Variants in SMYD3 observed in about 807,000 individuals in gnomAD.
SMYD3 encodes the protein SET and MYND domain containing 3, also known as histone-lysine N-methyltransferase SMYD3.
SMYD3 carries 36 observed loss-of-function variants against 57.7 expected under a neutral mutation model. The ratio of observed to expected loss-of-function variants is 0.62; its 90% confidence interval spans 0.48 to 0.82. The LOEUF (loss-of-function observed/expected upper bound fraction) is 0.82. Ranked by LOEUF, SMYD3 falls within the 40% of genes least tolerant of loss-of-function variation. The pLI, the probability that SMYD3 is intolerant of heterozygous loss-of-function variation, is 0.00. For missense variants in SMYD3, 515 were observed against 538.8 expected, an observed-to-expected ratio of 0.96 and a Z score of 0.44; for synonymous variants, 211 against 195.0, an observed-to-expected ratio of 1.08 and a Z score of -0.68.
intron 5 of SMYD3, chr1:246,186,806 G>C (rs987831553): frequency 1.0e-6 from 1 of 985,490 alleles, no homozygotes; most frequent in Non-Finnish European, 1.2e-6. Flanking sequence ...GGGAAAGGCT[G>C]TATCACATTC....
intron 10 of SMYD3, among the ~76,000 whole-genome samples, chr1:245,795,583 G>C (rs926001208): frequency 6.6e-6 from 1 of 152,048 alleles, no homozygotes; most frequent in African/African-American, 2.4e-5. Context: ...ATTTCCCATT[G>C]TTATATTTTG....
chr1:246,239,878 T>C (rs75868783), intron 5 of SMYD3, among the ~76,000 whole-genome samples: 31,519 of 152,146 alleles, frequency 0.21, 3,976 homozygotes, highest in East Asian at 0.58. Flanking sequence ...GTTGGCTGCA[T>C]AAATGTCTTC....
chr1:246,024,989 G>A (rs544221192), intron 5 of SMYD3, among the ~76,000 whole-genome samples: 2 of 151,120 alleles, frequency 1.3e-5, no homozygotes, highest in African/African-American at 4.9e-5. Context: ...GGGAGATACA[G>A]CAAGTGGACA....
chr1:245,860,206 A>C lies in SMYD3; in HGVS notation c.902-1536T>G, dbSNP rs113837475. Among the ~76,000 whole-genome samples the C allele has an allele frequency of 1.5e-3, 225 of 152,050 alleles. 2 individuals are homozygous for C. The highest frequency in any genetic ancestry group is 4.7e-3 in the African/African-American group (195 of 41,474). On this transcript the variant is annotated intron_variant, in intron 9 of 11. Transcript: ENST00000490107. ...TCCCACATGACCTGGTCCCTTTACA[A>C]TCCATGCTCTCTGTGCCATCCCCTG... is the stretch of plus-strand genomic sequence containing the variant.
intron 5 of SMYD3, among the ~76,000 whole-genome samples, chr1:246,197,789 T>C (rs1355296462): frequency 6.6e-6 from 1 of 152,178 alleles, no homozygotes; most frequent in Non-Finnish European, 1.5e-5. Context: ...AAGGTGTCAA[T>C]AGGGAAAACT....
intron 5 of SMYD3, among the ~76,000 whole-genome samples, chr1:246,208,412 T>C (rs1054246447): frequency 6.6e-6 from 1 of 152,142 alleles, no homozygotes; most frequent in Non-Finnish European, 1.5e-5. Flanking sequence ...CACTTCATGA[T>C]AATAGAGTTA....
chr1:245,907,099 G>A (rs533025491), intron 8 of SMYD3, among the ~76,000 whole-genome samples: 11 of 152,212 alleles, frequency 7.2e-5, no homozygotes, highest in African/African-American at 2.6e-4. Context: ...ACGTGAGGAT[G>A]GTTAATGGGG....
chr1:246,300,667 G>A (rs1481349708), intron 5 of SMYD3, among the ~76,000 whole-genome samples: 1 of 152,056 alleles, frequency 6.6e-6, no homozygotes, highest in Admixed American at 6.6e-5. Context: ...GTGGCTCTGG[G>A]CAAGTTCCTT....
At chr1:246,460,781 T>G (rs1354958885) in intron 1 of SMYD3, among the ~76,000 whole-genome samples, 1 of 152,232 alleles carries the variant, frequency 6.6e-6, no homozygotes, top group East Asian at 1.9e-4. Context: ...TTCCGTCTTG[T>G]TTATAGTTTT....
chr1:246,438,778 C>T (rs777119757), intron 1 of SMYD3, among the ~76,000 whole-genome samples: 1 of 142,004 alleles, frequency 7.0e-6, no homozygotes, highest in African/African-American at 2.5e-5. Context: ...TCAGATCATC[C>T]AATCATCCGA....
chr1:245,749,467 A>G lies in SMYD3; in HGVS notation c.*96T>C. 2.2e-6 allele frequency: 2 copies of G among 895,932 alleles called. No individual in the cohort carries two copies. The highest frequency in any genetic ancestry group is 3.6e-6 in the Non-Finnish European group (2 of 562,440). The allele number at this position is 895,932 out of a possible 1,614,324, so 55.5% of individuals were successfully genotyped here. A position where few individuals can be genotyped will look rare whatever the true frequency, so the allele number is the denominator to read the frequency against. On this transcript the variant is annotated 3_prime_UTR_variant, in exon 12 of 12. Coordinates refer to ENST00000490107, the MANE Select transcript of SMYD3 (RefSeq NM_001167740.2). ...ACAAACACGGAACAGAATTTCCAAT[A>G]GGAGAGGTTCACACAGCTAACAAAG...
intron 5 of SMYD3, among the ~76,000 whole-genome samples, chr1:246,141,331 G>A (rs1159588261): frequency 1.3e-5 from 2 of 152,148 alleles, no homozygotes; most frequent in Admixed American, 1.3e-4. Flanking sequence ...AATTCCACAC[G>A]ATATGAGCAA....
intron 5 of SMYD3, among the ~76,000 whole-genome samples, chr1:246,001,926 G>C (rs977173097): frequency 6.6e-6 from 1 of 152,012 alleles, no homozygotes; most frequent in Non-Finnish European, 1.5e-5. Context: ...CAGATTCTCC[G>C]GCCGCCAGTC....
intron 10 of SMYD3, among the ~76,000 whole-genome samples, chr1:245,798,409 CACA>C (rs1558351545): frequency 6.4e-5 from 1 of 15,628 alleles, no homozygotes. Context: ...CACACACATA[CACA>C]CACATACACA....
At chr1:246,243,535 CGTT>C (rs1282204020) in intron 5 of SMYD3, among the ~76,000 whole-genome samples, 1 of 150,808 alleles carries the variant, frequency 6.6e-6, no homozygotes, top group Non-Finnish European at 1.5e-5. Context: ...ATTAGAAAGA[CGTT>C]GGTCTTCACA....
chr1:246,000,593 C>A (rs911555618), intron 5 of SMYD3, among the ~76,000 whole-genome samples: 7 of 152,196 alleles, frequency 4.6e-5, no homozygotes, highest in African/African-American at 1.4e-4. Flanking sequence ...GGACTTCTCT[C>A]TGTTTCCCCC....
At chr1:246,028,481 A>G (rs2059614492) in intron 5 of SMYD3, among the ~76,000 whole-genome samples, 1 of 152,206 alleles carries the variant, frequency 6.6e-6, no homozygotes, top group Non-Finnish European at 1.5e-5. Flanking sequence ...CACTTACAAC[A>G]GCTACAAAAA....
chr1:245,890,733 TGAAAG>T (rs913245656), intron 8 of SMYD3, among the ~76,000 whole-genome samples: 5 of 152,130 alleles, frequency 3.3e-5, no homozygotes, highest in African/African-American at 1.2e-4. Flanking sequence ...TATACGCAAA[TGAAAG>T]GAAATCAGTA....
At chr1:246,008,819 C>T (rs2059224963) in intron 5 of SMYD3, among the ~76,000 whole-genome samples, 1 of 152,150 alleles carries the variant, frequency 6.6e-6, no homozygotes, top group Non-Finnish European at 1.5e-5. Flanking sequence ...CCTATTAAGA[C>T]ACTAAACCAC....
Sources: gnomAD v4.1 joint callset for allele counts (sites outside exome capture counted in the v4.1 genomes callset) on GRCh38, gnomAD v4.1.1 for gene constraint, MANE v1.5 for transcripts, NCBI Gene and HGNC (gene_info 2026-07-23, HGNC 2026-07-21) for gene names.